Variants in CCDC102B observed in about 807,000 individuals in gnomAD.
The protein encoded by CCDC102B is coiled-coil domain containing 102B.
CCDC102B carries 75 observed loss-of-function variants against 57.4 expected under a neutral mutation model. That is an observed-to-expected ratio of 1.31 (90% CI 1.08 to 1.58). CCDC102B has a LOEUF of 1.58. Ranked by LOEUF, CCDC102B falls within the 40% of genes most tolerant of loss-of-function variation. The pLI is 0.00. For missense variants in CCDC102B, 636 were observed against 582.6 expected, an observed-to-expected ratio of 1.09 and a Z score of -0.94; for synonymous variants, 206 against 201.9, an observed-to-expected ratio of 1.02 and a Z score of -0.17.
chr18:69,015,575 G>A (rs2051642899), intron 7 of CCDC102B, among the ~76,000 whole-genome samples: 1 of 152,084 alleles, frequency 6.6e-6, no homozygotes. Flanking sequence ...CATCAAATAG[G>A]AAGTTTTCCA....
At chr18:69,009,489 T>G (rs1190555352) in intron 6 of CCDC102B, among the ~76,000 whole-genome samples, 2 of 151,910 alleles carry the variant, frequency 1.3e-5, no homozygotes, top group African/African-American at 2.4e-5. Flanking sequence ...TGCCTCTAAT[T>G]TGAGAGATAC....
chr18:68,888,442 G>A (rs1238447708), intron 5 of CCDC102B, among the ~76,000 whole-genome samples: 2 of 152,096 alleles, frequency 1.3e-5, no homozygotes, highest in Non-Finnish European at 2.9e-5. Flanking sequence ...TGTATTTCCT[G>A]CAAACAAGAA....
intron 4 of CCDC102B, among the ~76,000 whole-genome samples, chr18:68,865,911 A>G (rs2038956354): frequency 6.6e-6 from 1 of 152,200 alleles, no homozygotes; most frequent in Non-Finnish European, 1.5e-5. Flanking sequence ...AGGATATTTA[A>G]TAAAACACAA....
chr18:68,994,580 T>A (rs2050966810), intron 6 of CCDC102B, among the ~76,000 whole-genome samples: 1 of 152,044 alleles, frequency 6.6e-6, no homozygotes, highest in Admixed American at 6.6e-5. Context: ...GGGAGTGTTT[T>A]CGCCCTTGTG....
chr18:68,737,468 TGG>T (rs1254539820), intron 2 of CCDC102B, among the ~76,000 whole-genome samples: 1 of 151,232 alleles, frequency 6.6e-6, no homozygotes, highest in East Asian at 2.0e-4. Context: ...GTGGTGGTGG[TGG>T]TAGTGGCAGT....
intron 1 of CCDC102B, among the ~76,000 whole-genome samples, chr18:68,814,114 T>C (rs569683014): frequency 6.6e-6 from 1 of 152,312 alleles, no homozygotes; most frequent in Non-Finnish European, 1.5e-5. Flanking sequence ...AAAGGCTTTC[T>C]CTAAACTCCT....
chr18:68,864,221 G>C (rs1040154300), intron 4 of CCDC102B, among the ~76,000 whole-genome samples: 3 of 151,872 alleles, frequency 2.0e-5, no homozygotes, highest in African/African-American at 4.8e-5. Flanking sequence ...GGAATCATCT[G>C]TTGCATTAAT....
chr18:68,778,148 G>A (rs753598895), intron 2 of CCDC102B, among the ~76,000 whole-genome samples: 141 of 152,152 alleles, frequency 9.3e-4, no homozygotes, highest in Middle Eastern at 3.4e-3. Flanking sequence ...GAGAGTCAAC[G>A]TTTTCCCTCT....
At chr18:68,775,217 A>G (rs2034771423) in intron 2 of CCDC102B, among the ~76,000 whole-genome samples, 1 of 151,948 alleles carries the variant, frequency 6.6e-6, no homozygotes, top group African/African-American at 2.4e-5. Context: ...TTTGCAATGA[A>G]TGACCTTCTT....
At chr18:68,788,203 A>T (rs1193305952) in intron 2 of CCDC102B, among the ~76,000 whole-genome samples, 7 of 152,150 alleles carry the variant, frequency 4.6e-5, no homozygotes, top group Non-Finnish European at 8.8e-5. Context: ...AGAGTTTGTT[A>T]TAATTTCTGA....
intron 6 of CCDC102B, among the ~76,000 whole-genome samples, chr18:68,985,402 A>G (rs148760812): frequency 6.5e-4 from 99 of 152,290 alleles, no homozygotes; most frequent in African/African-American, 2.3e-3. Flanking sequence ...TACACTCTGT[A>G]TTTGTCAGTG....
chr18:68,769,055 A>G (rs2034553780), intron 2 of CCDC102B, among the ~76,000 whole-genome samples: 1 of 152,108 alleles, frequency 6.6e-6, no homozygotes, highest in Admixed American at 6.6e-5. Context: ...GGAGTTCAAG[A>G]CCAGCCTGAC....
intron 2 of CCDC102B, chr18:68,717,998 C>G (rs934205846): frequency 6.6e-6 from 1 of 152,326 alleles, no homozygotes; most frequent in Non-Finnish European, 1.5e-5. Flanking sequence ...CTCCTTCAAC[C>G]TTAAGCCATG....
At chr18:68,807,659 C>T (rs566234089) in intron 1 of CCDC102B, among the ~76,000 whole-genome samples, 7 of 152,262 alleles carry the variant, frequency 4.6e-5, no homozygotes, top group Admixed American at 3.9e-4. Context: ...TGAGTATTCA[C>T]TTCCTGTTAT....
At chr18:68,963,258 G>A (rs972236825) in intron 6 of CCDC102B, among the ~76,000 whole-genome samples, 25 of 151,992 alleles carry the variant, frequency 1.6e-4, no homozygotes, top group East Asian at 5.8e-4. Flanking sequence ...TTTTATGTCC[G>A]AATAAAAATT....
intron 4 of CCDC102B, among the ~76,000 whole-genome samples, chr18:68,865,092 C>T (rs1031879479): frequency 2.0e-5 from 3 of 151,990 alleles, no homozygotes; most frequent in Admixed American, 2.0e-4. Context: ...TGTCCTAGTT[C>T]TTTAGGCTTT....
exon 1 of CCDC102B, chr18:68,715,264 G>A: frequency 2.3e-6 from 3 of 1,323,612 alleles, no homozygotes; most frequent in East Asian, 6.9e-5. Context: ...AGGAGCGTGG[G>A]AACCCTGCTT....
At chr18:68,777,794 A>G (rs1430955429) in intron 2 of CCDC102B, among the ~76,000 whole-genome samples, 1 of 152,026 alleles carries the variant, frequency 6.6e-6, no homozygotes, top group Non-Finnish European at 1.5e-5. Context: ...AATAACTAAG[A>G]ACAGTTTCCT....
intron 7 of CCDC102B, among the ~76,000 whole-genome samples, chr18:69,020,242 C>A (rs541092282): frequency 6.6e-6 from 1 of 152,120 alleles, no homozygotes; most frequent in South Asian, 2.1e-4. Flanking sequence ...GATTTAGCAT[C>A]TTTTATAATA....
Sources: gnomAD v4.1 joint callset for allele counts (sites outside exome capture counted in the v4.1 genomes callset) on GRCh38, gnomAD v4.1.1 for gene constraint, MANE v1.5 for transcripts, NCBI Gene and HGNC (gene_info 2026-07-23, HGNC 2026-07-21) for gene names.